Variants in ENTREP2 observed in about 807,000 individuals in gnomAD.
ENTREP2 encodes the protein protein ENTREP2.
chr15:29,441,580 T>G, the ENTREP2 span, among the ~76,000 whole-genome samples: 1 of 152,204 alleles, frequency 6.6e-6, no homozygotes, highest in Non-Finnish European at 1.5e-5. Flanking sequence ...GAATATACGT[T>G]ATGAATTATA....
the ENTREP2 span, among the ~76,000 whole-genome samples, chr15:29,231,652 T>A: frequency 6.6e-6 from 1 of 152,156 alleles, no homozygotes; most frequent in Non-Finnish European, 1.5e-5. Context: ...TAGTCTAATA[T>A]AGTATGCTAT....
At chr15:29,378,572 C>T in the ENTREP2 span, among the ~76,000 whole-genome samples, 2 of 152,152 alleles carry the variant, frequency 1.3e-5, no homozygotes, top group Admixed American at 6.6e-5. Flanking sequence ...AAATGACGGA[C>T]CTGCTACAGG....
At chr15:29,118,670 C>T in the ENTREP2 span, among the ~76,000 whole-genome samples, 3 of 152,172 alleles carry the variant, frequency 2.0e-5, no homozygotes, top group African/African-American at 4.8e-5. Flanking sequence ...CAGATTTCAA[C>T]GTAAATGGCC....
chr15:29,662,211 CAAAA>C, the ENTREP2 span, among the ~76,000 whole-genome samples: 1 of 46,946 alleles, frequency 2.1e-5, no homozygotes, highest in Non-Finnish European at 4.3e-5. Context: ...AACCCTGTCG[CAAAA>C]AAAAAAAAAA....
the ENTREP2 span, among the ~76,000 whole-genome samples, chr15:29,273,366 T>C: frequency 6.6e-5 from 10 of 151,876 alleles, no homozygotes; most frequent in African/African-American, 2.4e-4. Context: ...GTCTGGCTTT[T>C]TTTGTATTTT....
At chr15:29,176,269 T>C in the ENTREP2 span, among the ~76,000 whole-genome samples, 1 of 152,222 alleles carries the variant, frequency 6.6e-6, no homozygotes, top group African/African-American at 2.4e-5. Context: ...CCGTGGCACA[T>C]AGGGGATGAG....
At chr15:29,409,182 G>A in the ENTREP2 span, among the ~76,000 whole-genome samples, 5 of 152,012 alleles carry the variant, frequency 3.3e-5, no homozygotes, top group Non-Finnish European at 4.4e-5. Context: ...ACATGTCTCC[G>A]GTTTTCAGGG....
At chr15:29,518,260 C>T in the ENTREP2 span, among the ~76,000 whole-genome samples, 1 of 152,086 alleles carries the variant, frequency 6.6e-6, no homozygotes, top group Non-Finnish European at 1.5e-5. Flanking sequence ...TTCAAGTCCA[C>T]AACACAGCAT....
At chr15:29,646,836 G>A in the ENTREP2 span, among the ~76,000 whole-genome samples, 5 of 152,232 alleles carry the variant, frequency 3.3e-5, no homozygotes, top group African/African-American at 1.2e-4. Flanking sequence ...GTTGACACAA[G>A]GGCCACTCTG....
chr15:29,199,033 A>G, the ENTREP2 span, among the ~76,000 whole-genome samples: 2 of 152,208 alleles, frequency 1.3e-5, no homozygotes, highest in African/African-American at 4.8e-5. Context: ...TTTTTTTGCA[A>G]TAAGATTAAT....
At chr15:29,341,326 G>C in the ENTREP2 span, among the ~76,000 whole-genome samples, 1 of 152,152 alleles carries the variant, frequency 6.6e-6, no homozygotes, top group Non-Finnish European at 1.5e-5. Context: ...CATTCGATCA[G>C]TTATTCATCC....
At chr15:29,611,497 G>T in the ENTREP2 span, among the ~76,000 whole-genome samples, 20 of 152,178 alleles carry the variant, frequency 1.3e-4, no homozygotes, top group Middle Eastern at 3.4e-3. Context: ...CCTGGCCTGG[G>T]AGTCAAGACC....
At chr15:29,408,271 A>G in the ENTREP2 span, among the ~76,000 whole-genome samples, 8 of 152,172 alleles carry the variant, frequency 5.3e-5, no homozygotes, top group Non-Finnish European at 1.2e-4. Context: ...TGCCTCCCTC[A>G]TGACATCCTG....
the ENTREP2 span, among the ~76,000 whole-genome samples, chr15:29,220,445 A>G: frequency 6.6e-6 from 1 of 152,170 alleles, no homozygotes; most frequent in East Asian, 1.9e-4. Context: ...ACCGATCAGT[A>G]TTTGTGATTT....
At chr15:29,650,128 C>A in the ENTREP2 span, among the ~76,000 whole-genome samples, 8 of 152,170 alleles carry the variant, frequency 5.3e-5, no homozygotes, top group African/African-American at 1.7e-4. Context: ...TGTAAATTCT[C>A]TGGAGGTGAG....
the ENTREP2 span, among the ~76,000 whole-genome samples, chr15:29,402,291 ATTGTGT>A: frequency 3.6e-5 from 3 of 82,840 alleles, no homozygotes; most frequent in African/African-American, 1.4e-4. Flanking sequence ...TGTATATTGT[ATTGTGT>A]GTGTGTGTGT....
the ENTREP2 span, among the ~76,000 whole-genome samples, chr15:29,550,023 A>AG: frequency 7.9e-5 from 12 of 152,312 alleles, no homozygotes; most frequent in African/African-American, 2.9e-4. Context: ...CAGAGACCAC[A>AG]GTTCTGGTGG....
the ENTREP2 span, among the ~76,000 whole-genome samples, chr15:29,351,392 T>C: frequency 4.6e-5 from 7 of 152,348 alleles, no homozygotes; most frequent in African/African-American, 9.6e-5. Flanking sequence ...ATTCCACAGA[T>C]GACATGGGAG....
At chr15:29,284,556 C>CAAA in the ENTREP2 span, among the ~76,000 whole-genome samples, 8 of 125,480 alleles carry the variant, frequency 6.4e-5, no homozygotes, top group Admixed American at 8.0e-5. Context: ...GACTCCATCT[C>CAAA]AAAAAAAAAA....
Sources: gnomAD v4.1 joint callset for allele counts (sites outside exome capture counted in the v4.1 genomes callset) on GRCh38, gnomAD v4.1.1 for gene constraint, MANE v1.5 for transcripts, NCBI Gene and HGNC (gene_info 2026-07-23, HGNC 2026-07-21) for gene names.